The following NPIPA5 variants were observed in gnomAD, a reference collection of about 807,000 sequenced individuals.
NPIPA5 encodes nuclear pore complex-interacting protein family member A5.
A neutral mutation model predicts 21.4 loss-of-function variants in NPIPA5; 6 were observed. That is an observed-to-expected ratio of 0.28 (90% confidence interval 0.15 to 0.55). NPIPA5 has a LOEUF of 0.55. Ranked by LOEUF, NPIPA5 falls within the 20% of genes least tolerant of loss-of-function variation. The probability of loss-of-function intolerance (pLI) is 0.93; values close to 1 mark genes in which losing one functional copy is unlikely to be tolerated. For synonymous variants in NPIPA5, 33 were observed against 115.3 expected, an observed-to-expected ratio of 0.29 and a Z score of 4.57; for missense variants, 99 against 318.2, an observed-to-expected ratio of 0.31 and a Z score of 5.24.
chr16:15,381,183 C>A (rs946548173), upstream of NPIPA5: 1 of 588,332 alleles, frequency 1.7e-6, no homozygotes. Context: ...AGGACAGAAC[C>A]AAGTTCAAAT....
upstream of NPIPA5, among the ~76,000 whole-genome samples, chr16:15,378,821 A>G (rs1309206927): frequency 1.3e-5 from 1 of 77,946 alleles, no homozygotes; most frequent in Non-Finnish European, 2.6e-5. Context: ...TCTGAACCCA[A>G]ATGAGGGGGA....
chr16:15,376,987 C>CAA (rs1164476042), intron 1 of NPIPA5, among the ~76,000 whole-genome samples: 4 of 151,682 alleles, frequency 2.6e-5, no homozygotes, highest in Non-Finnish European at 5.9e-5. Flanking sequence ...AACAAACAAA[C>CAA]AAAAAAGTCA....
At chr16:15,379,960 T>C (rs554641018), upstream of NPIPA5, among the ~76,000 whole-genome samples, 8 of 150,346 alleles carry the variant, frequency 5.3e-5, no homozygotes, top group African/African-American at 2.0e-4. Context: ...AAATAAAAAA[T>C]ATATATATAT....
intron 1 of NPIPA5, among the ~76,000 whole-genome samples, chr16:15,376,622 A>G (rs1207523819): frequency 1.3e-5 from 2 of 151,804 alleles, no homozygotes; most frequent in South Asian, 2.1e-4. Context: ...ACTTACACTT[A>G]AGGTTATATA....
intron 2 of NPIPA5, among the ~76,000 whole-genome samples, chr16:15,371,965 T>C (rs1258600631): frequency 2.1e-5 from 3 of 143,558 alleles, no homozygotes; most frequent in East Asian, 2.1e-4. Flanking sequence ...CTAGATTTCA[T>C]AGGAAAGGTA....
upstream of NPIPA5, chr16:15,381,086 C>A (rs1034574254): frequency 5.2e-6 from 8 of 1,538,612 alleles, no homozygotes; most frequent in Non-Finnish European, 7.0e-6. Flanking sequence ...GAGTGCCAAC[C>A]TATTAGACAA....
chr16:15,380,826 C>T, upstream of NPIPA5: 1 of 595,764 alleles, frequency 1.7e-6, no homozygotes, highest in South Asian at 2.0e-5. Flanking sequence ...AGTACTGAGA[C>T]TGCGTAAGCT....
chr16:15,380,503 A>G (rs2050413536), upstream of NPIPA5, among the ~76,000 whole-genome samples: 1 of 151,878 alleles, frequency 6.6e-6, no homozygotes, highest in African/African-American at 2.4e-5. Context: ...TTGTATTTTT[A>G]GTAGGGACGA....
chr16:15,375,180 C>T (rs370521770), intron 1 of NPIPA5, among the ~76,000 whole-genome samples: 2 of 150,932 alleles, frequency 1.3e-5, no homozygotes, highest in Non-Finnish European at 1.5e-5. Context: ...CCACCTGCCT[C>T]GGCCTCCCAA....
chr16:15,375,207 G>T (rs1339432914), intron 1 of NPIPA5, among the ~76,000 whole-genome samples: 4 of 151,536 alleles, frequency 2.6e-5, no homozygotes, highest in African/African-American at 2.4e-5. Context: ...GGGAATACAG[G>T]TGTGAGCCAC....
At chr16:15,370,186 G>C in intron 2 of NPIPA5, 67 bp from the exon 3 acceptor site, 2 of 1,424,266 alleles carry the variant, frequency 1.4e-6, no homozygotes, top group Non-Finnish European at 9.6e-7. Flanking sequence ...CCAGTACTTT[G>C]GGAGGCCGAG....
chr16:15,368,894 G>A (rs377425333), intron 4 of NPIPA5, among the ~76,000 whole-genome samples: 68 of 131,388 alleles, frequency 5.2e-4, no homozygotes, highest in African/African-American at 1.2e-3. Context: ...GATAAGAATC[G>A]TTTGAACCTG....
At chr16:15,366,831 T>C (rs2049988380) in intron 4 of NPIPA5, 71 bp from the exon 5 acceptor site, 2 of 1,516,680 alleles carry the variant, frequency 1.3e-6, no homozygotes, top group Non-Finnish European at 1.8e-6. Flanking sequence ...TTCTGGCATC[T>C]GAAGGCTGTG....
At chr16:15,370,681 G>GA (rs1323531127) in intron 2 of NPIPA5, among the ~76,000 whole-genome samples, 6 of 139,166 alleles carry the variant, frequency 4.3e-5, no homozygotes, top group Admixed American at 7.8e-5. Context: ...AACCCAGCAG[G>GA]AAAAGGTTGT....
At position 15,363,913 on chromosome 16, in the gene NPIPA5, A is replaced by T; in HGVS notation, c.799T>A (p.Ser267Thr). 3 of 1,602,358 alleles carry T rather than the reference A, an allele frequency of 1.9e-6. No homozygotes were observed. The African/African-American group carries it at 4.0e-5, about 21-fold the overall frequency. ...GGAAGGGGATAGAGCAGACGCTCGGAAGGTGTCTTGAGGCTCAGGGAGTTA... is the reference window on the plus strand; with the variant it reads ...GGAAGGGGATAGAGCAGACGCTCGGTAGGTGTCTTGAGGCTCAGGGAGTTA... Reference protein sequence around the residue: ...IDNSLSLKTPSERLLYPLPPS... With the variant: ...IDNSLSLKTPTERLLYPLPPS... Residue 267 changes from serine to threonine, a missense_variant, in exon 8 of 8, where the codon TCC (serine) becomes ACC (threonine). Physicochemically the swap from Ser to Thr is moderately conservative, Grantham distance 58. Coordinates refer to ENST00000360151, the MANE Select transcript of NPIPA5 (RefSeq NM_001277325.2).
At chr16:15,375,920 T>C (rs1462518994) in intron 1 of NPIPA5, among the ~76,000 whole-genome samples, 1 of 150,752 alleles carries the variant, frequency 6.6e-6, no homozygotes, top group Non-Finnish European at 1.5e-5. Context: ...TTCCTCAGGA[T>C]TTAACTATAT....
At chr16:15,367,157 C>T (rs908199638) in intron 4 of NPIPA5, among the ~76,000 whole-genome samples, 4 of 152,126 alleles carry the variant, frequency 2.6e-5, no homozygotes, top group African/African-American at 9.7e-5. Flanking sequence ...CTAACTCCAT[C>T]GGAAGCAGAG....
At chr16:15,375,024 CG>C (rs1303434328) in intron 1 of NPIPA5, among the ~76,000 whole-genome samples, 1 of 151,532 alleles carries the variant, frequency 6.6e-6, no homozygotes, top group Non-Finnish European at 1.5e-5. Context: ...CTCCGCCTCC[CG>C]GGTTCAAGTG....
chr16:15,376,658 C>T (rs945631243), intron 1 of NPIPA5, among the ~76,000 whole-genome samples: 18 of 151,948 alleles, frequency 1.2e-4, no homozygotes, highest in African/African-American at 4.1e-4. Context: ...GTGGCTCACG[C>T]CTGTAATCCC....
Sources: allele counts gnomAD v4.1 joint callset (sites outside exome capture counted in the v4.1 genomes callset), GRCh38; gene constraint gnomAD v4.1.1; transcripts MANE v1.5; gene names NCBI Gene and HGNC (gene_info 2026-07-23, HGNC 2026-07-21).